The following DLGAP1 variants were observed in gnomAD, a reference collection of about 807,000 sequenced individuals.
The protein encoded by DLGAP1 is DLG associated protein 1.
In DLGAP1, 11 loss-of-function variants were observed where a neutral mutation model predicts 90.8. That is an observed-to-expected ratio of 0.12 (90% CI 0.08 to 0.20). The LOEUF (loss-of-function observed/expected upper bound fraction) is 0.20, where lower values mean the gene tolerates loss of function less well. DLGAP1 is among the 10% of genes least tolerant of loss of function. The probability of loss-of-function intolerance (pLI) is 1.00; values close to 1 mark genes in which losing one functional copy is unlikely to be tolerated. For synonymous variants in DLGAP1, 558 were observed against 540.7 expected (o/e 1.03, Z -0.44); for missense variants, 1,050 against 1,333.8 (o/e 0.79, Z 3.31).
intron 7 of DLGAP1, among the ~76,000 whole-genome samples, chr18:3,600,951 GATAT>G (rs1222175926): frequency 1.0e-4 from 6 of 59,456 alleles, no homozygotes; most frequent in African/African-American, 4.2e-4. Flanking sequence ...TAGATATATA[GATAT>G]ATATAGATAT....
At chr18:3,772,155 CCTTT>C (rs1251771170) in intron 5 of DLGAP1, among the ~76,000 whole-genome samples, 7 of 132,052 alleles carry the variant, frequency 5.3e-5, no homozygotes, top group East Asian at 2.1e-4. Context: ...TCCTTCCTTC[CCTTT>C]CTTTCTCTCC....
intron 10 of DLGAP1, among the ~76,000 whole-genome samples, chr18:3,533,187 A>G (rs1019667401): frequency 6.6e-6 from 1 of 152,220 alleles, no homozygotes; most frequent in Non-Finnish European, 1.5e-5. Context: ...ACTACTTGGG[A>G]GGTCAAGGCT....
At chr18:3,936,516 G>C (rs567338221) in intron 3 of DLGAP1, among the ~76,000 whole-genome samples, 1 of 152,078 alleles carries the variant, frequency 6.6e-6, no homozygotes, top group Non-Finnish European at 1.5e-5. Flanking sequence ...CTTCCCCCAA[G>C]TGCCTCCATA....
intron 1 of DLGAP1, among the ~76,000 whole-genome samples, chr18:4,230,242 A>G (rs1317278863): frequency 6.6e-6 from 1 of 152,146 alleles, no homozygotes; most frequent in African/African-American, 2.4e-5. Flanking sequence ...CAAATCTAAA[A>G]ATAGAGCTAT....
chr18:4,175,078 G>A (rs1306531497), intron 1 of DLGAP1, among the ~76,000 whole-genome samples: 1 of 152,116 alleles, frequency 6.6e-6, no homozygotes, highest in Non-Finnish European at 1.5e-5. Flanking sequence ...AGCCTCACCA[G>A]CATCTATTAT....
At chr18:4,123,929 G>T (rs971329159) in intron 2 of DLGAP1, among the ~76,000 whole-genome samples, 7 of 152,186 alleles carry the variant, frequency 4.6e-5, no homozygotes, top group African/African-American at 1.7e-4. Context: ...ATCACTCTGA[G>T]ATTCTTGGTG....
intron 9 of DLGAP1, among the ~76,000 whole-genome samples, chr18:3,561,090 T>C (rs2054063955): frequency 6.6e-6 from 1 of 150,494 alleles, no homozygotes. Context: ...AATTGCTATT[T>C]TGAACAAACT....
At chr18:3,578,119 A>C (rs1388289331) in intron 8 of DLGAP1, among the ~76,000 whole-genome samples, 1 of 152,206 alleles carries the variant, frequency 6.6e-6, no homozygotes, top group Non-Finnish European at 1.5e-5. Flanking sequence ...CCAGATGAAG[A>C]ATCTGAGATA....
In DLGAP1 at chr18:4,454,410, C is replaced by CTCTA. The variant is rs1240289115; in HGVS notation, c.-267+595_-267+596insTAGA. 1.8e-4 allele frequency among the ~76,000 whole-genome samples: 28 copies of CTCTA among 151,790 alleles called. No individual in the cohort carries two copies. Among genetic ancestry groups the CTCTA allele is most frequent in the Non-Finnish European group, 2.7e-4 (18 of 67,872 alleles). The stretch of plus-strand genomic sequence containing the variant: ...GACCTCCTCCTTGGACCCCATTTCT[C>CTCTA]TCTCTCTCTCTCTCTCTGTGCCTGT... On this transcript the variant is annotated intron_variant, in intron 1 of 12. Transcript: ENST00000315677. The surrounding 1 kb of genome is among the most constrained non-coding windows in gnomAD (Gnocchi z 4.7).
At chr18:4,089,546 A>C (rs140714950) in intron 2 of DLGAP1, among the ~76,000 whole-genome samples, 1,570 of 152,344 alleles carry the variant, frequency 0.01, 75 homozygotes, top group Admixed American at 0.089. Flanking sequence ...ATCTGATTTC[A>C]AACTCTGCTA....
At chr18:4,262,279 C>T (rs916339144) in intron 1 of DLGAP1, among the ~76,000 whole-genome samples, 3 of 152,192 alleles carry the variant, frequency 2.0e-5, no homozygotes, top group Non-Finnish European at 2.9e-5. Flanking sequence ...CTATCTAATT[C>T]CCTTAATTAA....
chr18:3,877,626 G>C (rs1306571970), intron 4 of DLGAP1, among the ~76,000 whole-genome samples: 4 of 152,142 alleles, frequency 2.6e-5, no homozygotes, highest in Non-Finnish European at 5.9e-5. Context: ...TGTTCTTAAA[G>C]AGTTTCTAGA....
At chr18:4,283,997 C>T (rs980556767) in intron 1 of DLGAP1, among the ~76,000 whole-genome samples, 3 of 151,938 alleles carry the variant, frequency 2.0e-5, no homozygotes, top group Non-Finnish European at 2.9e-5. Flanking sequence ...AGGAAACACA[C>T]GTAAGAGCAT....
rs980479108 is a variant in DLGAP1, at chr18:3,914,787, T to C, written c.-72-34647A>G. ...ATTATTTTTTGAGACAGGGTCTCTG[T>C]CACCCAGGCTGGAGTGCAATGGTGC... On this transcript the variant is annotated intron_variant, in intron 3 of 12. Transcript: ENST00000315677. Among the ~76,000 whole-genome samples the C allele has an allele frequency of 2.0e-5, 3 of 152,294 alleles. No individual in the cohort carries two copies. In the East Asian group the frequency reaches 5.8e-4, roughly 29 times the overall value.
chr18:3,798,625 T>C (rs2066132640), intron 5 of DLGAP1, among the ~76,000 whole-genome samples: 1 of 152,136 alleles, frequency 6.6e-6, no homozygotes, highest in Non-Finnish European at 1.5e-5. Context: ...TTTCTATGGT[T>C]TTATCGTTGT....
intron 1 of DLGAP1, among the ~76,000 whole-genome samples, chr18:4,222,309 G>A (rs2078093950): frequency 6.6e-6 from 1 of 152,066 alleles, no homozygotes; most frequent in Non-Finnish European, 1.5e-5. Flanking sequence ...TGTTTCTGGT[G>A]TTTATTTTGT....
chr18:3,559,624 C>CT (rs34093132), intron 9 of DLGAP1, among the ~76,000 whole-genome samples: 3,313 of 129,852 alleles, frequency 0.026, 167 homozygotes, highest in African/African-American at 0.071. Context: ...ATCCAATCCA[C>CT]TTTTTTTTTT....
chr18:3,798,246 AC>A, intron 5 of DLGAP1, among the ~76,000 whole-genome samples: 1 of 152,338 alleles, frequency 6.6e-6, no homozygotes, highest in African/African-American at 2.4e-5. Context: ...AACGCTTCCA[AC>A]AGAGGAGAGG....
chr18:3,695,835 G>A (rs2061072833), intron 7 of DLGAP1, among the ~76,000 whole-genome samples: 1 of 152,170 alleles, frequency 6.6e-6, no homozygotes, highest in Non-Finnish European at 1.5e-5. Context: ...CTATCCATAA[G>A]CATGGAATGT....
Sources: gnomAD v4.1 joint callset for allele counts (sites outside exome capture counted in the v4.1 genomes callset) on GRCh38, gnomAD v4.1.1 for gene constraint, Gnocchi (gnomAD v3.1) non-coding constraint, MANE v1.5 for transcripts, NCBI Gene and HGNC (gene_info 2026-07-23, HGNC 2026-07-21) for gene names.